Variants in VWC2 observed in about 807,000 individuals in gnomAD.
The protein encoded by VWC2 is von Willebrand factor C domain containing 2, also known as brorin.
Under a neutral mutation model 29.8 loss-of-function variants are expected in VWC2, and 14 were observed. The observed-to-expected ratio is 0.47, with a 90% CI of 0.31 to 0.74. The LOEUF (loss-of-function observed/expected upper bound fraction) is 0.74, where lower values mean the gene tolerates loss of function less well. VWC2 is among the 30% of genes least tolerant of loss of function. The pLI, the probability that VWC2 is intolerant of heterozygous loss-of-function variation, is 0.05. For missense variants in VWC2, 457 were observed against 459.8 expected (o/e 0.99, Z 0.05); for synonymous variants, 213 against 199.0 (o/e 1.07, Z -0.59).
rs768798607 is a variant in VWC2, at chr7:49,775,864, G to A, written c.429G>A (p.Glu143=). Residue 143 remains glutamate, a synonymous_variant, in exon 2 of 4, where the codon GAG becomes GAA. Coordinates refer to ENST00000340652, the MANE Select transcript of VWC2 (RefSeq NM_198570.5). ...PELAPTPEPP[E]EYVYPDYRGK... ...TCGCGCCCACGCCCGAGCCACCCGA[G>A]GAGTACGTGTACCCGGACTACCGTG... 3.1e-5 allele frequency: 48 copies of A among 1,555,884 alleles called. No homozygotes were observed. The highest frequency in any genetic ancestry group is 3.9e-5 in the Non-Finnish European group (45 of 1,150,742).
intron 3 of VWC2, among the ~76,000 whole-genome samples, chr7:49,895,355 G>A (rs1363704002): frequency 6.6e-6 from 1 of 152,160 alleles, no homozygotes; most frequent in Non-Finnish European, 1.5e-5. Context: ...AAGTTTCAAT[G>A]TACGAATTCC....
chr7:49,790,006 A>C (rs1173994082), intron 2 of VWC2, among the ~76,000 whole-genome samples: 1 of 152,208 alleles, frequency 6.6e-6, no homozygotes, highest in Non-Finnish European at 1.5e-5. Context: ...TCTGTTAGGC[A>C]AGCTGGCAGA....
At chr7:49,833,194 G>C (rs564195846) in intron 3 of VWC2, among the ~76,000 whole-genome samples, 77 of 152,344 alleles carry the variant, frequency 5.1e-4, no homozygotes, top group African/African-American at 1.8e-3. Flanking sequence ...TATTGACACA[G>C]AGAAGAATGT....
intron 3 of VWC2, among the ~76,000 whole-genome samples, chr7:49,888,175 C>G (rs973940630): frequency 6.6e-6 from 1 of 152,150 alleles, no homozygotes; most frequent in African/African-American, 2.4e-5. Flanking sequence ...TTTTCTGGAC[C>G]TTTTAAAAAA....
intron 3 of VWC2, among the ~76,000 whole-genome samples, chr7:49,896,347 A>G (rs1281438375): frequency 6.6e-6 from 1 of 152,236 alleles, no homozygotes; most frequent in African/African-American, 2.4e-5. Context: ...CTTCAAAAAA[A>G]GGAAAGTATA....
chr7:49,859,873 C>T (rs1389620438), intron 3 of VWC2, among the ~76,000 whole-genome samples: 1 of 152,104 alleles, frequency 6.6e-6, no homozygotes, highest in Non-Finnish European at 1.5e-5. Context: ...TTTAGATCAA[C>T]ACAGGGAAAA....
intron 3 of VWC2, among the ~76,000 whole-genome samples, chr7:49,854,339 C>CT (rs1426220248): frequency 6.6e-6 from 1 of 151,936 alleles, no homozygotes; most frequent in Non-Finnish European, 1.5e-5. Flanking sequence ...ACAATGTAAA[C>CT]GTGTTCCTAT....
intron 2 of VWC2, among the ~76,000 whole-genome samples, chr7:49,789,103 A>T (rs11769276): frequency 2.2e-5 from 3 of 139,404 alleles, no homozygotes; most frequent in Admixed American, 7.3e-5. Flanking sequence ...GGTGTGAGAG[A>T]GAGATTGAGA....
intron 3 of VWC2, among the ~76,000 whole-genome samples, chr7:49,863,889 T>C (rs1347512266): frequency 1.3e-5 from 2 of 152,232 alleles, no homozygotes. Context: ...ATATAAGCAT[T>C]TATAGCCATA....
At chr7:49,889,343 T>C (rs931381165) in intron 3 of VWC2, among the ~76,000 whole-genome samples, 36 of 152,272 alleles carry the variant, frequency 2.4e-4, no homozygotes, top group Middle Eastern at 3.4e-3. Context: ...TGAATTGAGG[T>C]CTAACTATAA....
chr7:49,892,631 C>T (rs1161779084), intron 3 of VWC2, among the ~76,000 whole-genome samples: 1 of 152,134 alleles, frequency 6.6e-6, no homozygotes, highest in Non-Finnish European at 1.5e-5. Context: ...TTTGTGTGTG[C>T]TCTCTCAGCT....
chr7:49,845,631 G>A (rs1789922995), intron 3 of VWC2, among the ~76,000 whole-genome samples: 1 of 152,198 alleles, frequency 6.6e-6, no homozygotes, highest in Non-Finnish European at 1.5e-5. Flanking sequence ...TTCAAATACA[G>A]AAATTCCTAA....
chr7:49,801,793 A>G (rs1788744006), intron 2 of VWC2, among the ~76,000 whole-genome samples: 1 of 152,252 alleles, frequency 6.6e-6, no homozygotes, highest in Non-Finnish European at 1.5e-5. Context: ...TCTGAGTCTC[A>G]GTTTCCTGTT....
At chr7:49,881,924 AATT>A (rs1791682733) in intron 3 of VWC2, among the ~76,000 whole-genome samples, 2 of 152,098 alleles carry the variant, frequency 1.3e-5, no homozygotes, top group Admixed American at 1.3e-4. Context: ...AATTAATTAA[AATT>A]TTCCTTTCCT....
In VWC2 at chr7:49,912,469, T is replaced by C. The variant is rs1385286920; in HGVS notation, c.*284T>C. 2 of 255,342 alleles carry C rather than the reference T, an allele frequency of 7.8e-6. No homozygotes were observed. The highest frequency in any genetic ancestry group is 4.5e-5 in the African/African-American group (2 of 44,706). 15.8% of individuals were successfully genotyped at this position (255,342 alleles called of 1,614,324 possible). On this transcript the variant is annotated 3_prime_UTR_variant, in exon 4 of 4. Transcript: ENST00000340652. ...CTATTATATATCAAATGTATTTCTA[T>C]AATCCCTCCATTAGAGAGCTTATAT...
At chr7:49,805,609 A>G (rs942057645) in intron 3 of VWC2, among the ~76,000 whole-genome samples, 1 of 152,234 alleles carries the variant, frequency 6.6e-6, no homozygotes, top group Non-Finnish European at 1.5e-5. Context: ...TCTATGAAAA[A>G]CAAATGCTCT....
intron 3 of VWC2, among the ~76,000 whole-genome samples, chr7:49,831,440 C>A (rs1253440881): frequency 3.3e-5 from 5 of 152,134 alleles, no homozygotes; most frequent in African/African-American, 1.2e-4. Flanking sequence ...CATGTAGGGA[C>A]TTCAGGGGAG....
At chr7:49,797,182 G>C (rs1788611373) in intron 2 of VWC2, among the ~76,000 whole-genome samples, 2 of 152,112 alleles carry the variant, frequency 1.3e-5, no homozygotes, top group Admixed American at 1.3e-4. Flanking sequence ...GTTATGACTA[G>C]CCTCTGCTAG....
intron 3 of VWC2, among the ~76,000 whole-genome samples, chr7:49,856,388 CCTT>C (rs1481903442): frequency 6.6e-6 from 1 of 152,058 alleles, no homozygotes; most frequent in Admixed American, 6.5e-5. Flanking sequence ...TCCCTCTTCT[CCTT>C]CTGCCATGAT....
Sources: allele counts gnomAD v4.1 joint callset (sites outside exome capture counted in the v4.1 genomes callset), GRCh38; gene constraint gnomAD v4.1.1; transcripts MANE v1.5; gene names NCBI Gene and HGNC (gene_info 2026-07-23, HGNC 2026-07-21).